CNKSR2: variants seen among roughly 807,000 people sequenced by gnomAD.
The protein encoded by CNKSR2 is CNK homolog protein 2.
Under a neutral mutation model 84.4 loss-of-function variants are expected in CNKSR2, and 14 were observed. The observed-to-expected ratio is 0.17, with a 90% confidence interval of 0.11 to 0.26. CNKSR2 has a LOEUF of 0.26. Ranked by LOEUF, CNKSR2 falls within the 10% of genes least tolerant of loss-of-function variation. The pLI, the probability that CNKSR2 is intolerant of heterozygous loss-of-function variation, is 1.00. For missense variants in CNKSR2, 485 were observed against 771.2 expected (o/e 0.63, Z 4.40); for synonymous variants, 275 against 277.9 (o/e 0.99, Z 0.10).
chrX:21,510,445 T>C (rs2091660238), intron 8 of CNKSR2, among the ~76,000 whole-genome samples: 1 of 111,465 alleles, frequency 9.0e-6, no homozygotes, highest in Admixed American at 9.6e-5. Flanking sequence ...GTAGAAATTA[T>C]CTTTTCATAT....
At position 21,490,503 on chromosome X, in the gene CNKSR2, G is replaced by A. The variant is rs769970715; in HGVS notation, c.606G>A (p.Ser202=). Residue 202 remains serine, a synonymous_variant, in exon 6 of 22, where the codon TCG becomes TCA. Coordinates refer to ENST00000379510, the MANE Select transcript of CNKSR2 (RefSeq NM_014927.5). ...TCTGTGACCACATCATATCCCTGTC[G>A]TCAGATCCTCTGGTTTCACAGTCTG... ...SGVCDHIISL[S]SDPLVSQSAH... 5.0e-6 allele frequency: 6 copies of A among 1,206,348 alleles called. No individual in the cohort carries two copies. The highest frequency in any genetic ancestry group is 2.2e-5 in the Admixed American group (1 of 45,542).
intron 5 of CNKSR2, among the ~76,000 whole-genome samples, chrX:21,475,273 T>C (rs762146332): frequency 8.9e-6 from 1 of 112,020 alleles, no homozygotes; most frequent in African/African-American, 3.2e-5. Flanking sequence ...ATTCACATTG[T>C]ATGCCTGTAT....
intron 5 of CNKSR2, among the ~76,000 whole-genome samples, chrX:21,489,179 T>C (rs1341733122): frequency 9.0e-6 from 1 of 111,465 alleles, no homozygotes; most frequent in African/African-American, 3.3e-5. Context: ...TGATGTCTCA[T>C]GTCTCTCTAA....
chrX:21,419,412 C>T (rs2090464629), intron 1 of CNKSR2, among the ~76,000 whole-genome samples: 1 of 110,894 alleles, frequency 9.0e-6, no homozygotes, highest in South Asian at 3.9e-4. Flanking sequence ...TGCCTTATTT[C>T]GTTCATTTGA....
chrX:21,564,649 A>T (rs941277922), intron 13 of CNKSR2, among the ~76,000 whole-genome samples: 1 of 111,861 alleles, frequency 8.9e-6, no homozygotes, highest in Non-Finnish European at 1.9e-5. Context: ...GGCATTCAAA[A>T]TGTGAAAGAT....
At chrX:21,649,581 A>T (rs2092715554) in intron 21 of CNKSR2, among the ~76,000 whole-genome samples, 2 of 112,051 alleles carry the variant, frequency 1.8e-5, no homozygotes, top group African/African-American at 6.5e-5. Flanking sequence ...CATTTCTGTA[A>T]GTGTTTACAT....
chrX:21,641,284 A>G (rs976541262), intron 20 of CNKSR2, among the ~76,000 whole-genome samples: 1 of 112,156 alleles, frequency 8.9e-6, no homozygotes, highest in African/African-American at 3.2e-5. Flanking sequence ...GTTATTGTGT[A>G]TATTTGGGAG....
chrX:21,574,884 T>C (rs922493275), intron 13 of CNKSR2, among the ~76,000 whole-genome samples: 6 of 112,185 alleles, frequency 5.3e-5, no homozygotes, highest in African/African-American at 1.3e-4. Context: ...TTATTTTCAT[T>C]ATAAGTTATC....
chrX:21,650,941 A>T (rs1267458661), intron 21 of CNKSR2, among the ~76,000 whole-genome samples: 1 of 111,231 alleles, frequency 9.0e-6, no homozygotes, highest in Non-Finnish European at 1.9e-5. Flanking sequence ...TCACCCTCCC[A>T]CCTTATAGAG....
chrX:21,566,268 A>G (rs1039826120), intron 13 of CNKSR2, among the ~76,000 whole-genome samples: 3 of 112,343 alleles, frequency 2.7e-5, no homozygotes, highest in Non-Finnish European at 3.8e-5. Context: ...AGCTTGATCT[A>G]TTGCTGGGAC....
chrX:21,462,189 G>T (rs1480079196), intron 4 of CNKSR2, among the ~76,000 whole-genome samples: 3 of 111,143 alleles, frequency 2.7e-5, no homozygotes, highest in Non-Finnish European at 5.7e-5. Flanking sequence ...TTCATTTTTT[G>T]GTGGCTTCTT....
In CNKSR2 at chrX:21,410,400, G is replaced by A. The variant is rs184436088; in HGVS notation, c.65-16097G>A. On this transcript the variant is annotated intron_variant, in intron 1 of 21. Coordinates refer to ENST00000379510, the MANE Select transcript of CNKSR2 (RefSeq NM_014927.5). ...ATAAATTTTAGGAGAATAAAACAGG[G>A]CCTTCAAAATAGGCTGTTTTCCTGG... 3.1e-3 allele frequency among the ~76,000 whole-genome samples: 345 copies of A among 110,943 alleles called. 1 individual carries two copies. Among genetic ancestry groups the A allele is most frequent in the Non-Finnish European group, 3.6e-3 (189 of 52,766 alleles).
At chrX:21,618,306 ATTTGG>A (rs1460963809) in intron 20 of CNKSR2, among the ~76,000 whole-genome samples, 6 of 111,333 alleles carry the variant, frequency 5.4e-5, no homozygotes, top group Non-Finnish European at 1.1e-4. Context: ...TTGGCCTAAT[ATTTGG>A]TCTTAATAAC....
At chrX:21,549,652 C>A (rs1351290103) in intron 11 of CNKSR2, among the ~76,000 whole-genome samples, 1 of 111,813 alleles carries the variant, frequency 8.9e-6, no homozygotes, top group Admixed American at 9.5e-5. Flanking sequence ...ATCACACTAC[C>A]TGACTTCAAA....
chrX:21,468,183 C>A (rs2091153089), intron 4 of CNKSR2, among the ~76,000 whole-genome samples: 1 of 110,472 alleles, frequency 9.1e-6, no homozygotes, highest in African/African-American at 3.3e-5. Flanking sequence ...ATGTTTTATT[C>A]ATCCTTTTGT....
chrX:21,470,984 A>G (rs2091191022), intron 5 of CNKSR2, 177 bp downstream of exon 5: 1 of 218,915 alleles, frequency 4.6e-6, no homozygotes, highest in Non-Finnish European at 8.7e-6. Flanking sequence ...ATTCTATTGT[A>G]CCTAATAGGA....
intron 5 of CNKSR2, among the ~76,000 whole-genome samples, chrX:21,482,260 T>C (rs2091328908): frequency 8.9e-6 from 1 of 112,372 alleles, no homozygotes; most frequent in African/African-American, 3.2e-5. Context: ...TTGATTCATG[T>C]CTTATTTATT....
At chrX:21,428,075 T>C (rs959613332) in intron 2 of CNKSR2, 1 of 112,265 alleles carries the variant, frequency 8.9e-6, no homozygotes, top group African/African-American at 3.2e-5. Context: ...TAACACCTTG[T>C]ATTACAATTC....
chrX:21,510,801 C>T (rs757691751), intron 8 of CNKSR2, among the ~76,000 whole-genome samples: 1 of 111,923 alleles, frequency 8.9e-6, no homozygotes, highest in South Asian at 3.7e-4. Context: ...GTGTAAAATA[C>T]ATTTTAATGT....
Sources: gnomAD v4.1 joint callset for allele counts (sites outside exome capture counted in the v4.1 genomes callset) on GRCh38, gnomAD v4.1.1 for gene constraint, MANE v1.5 for transcripts, NCBI Gene and HGNC (gene_info 2026-07-23, HGNC 2026-07-21) for gene names.